The following FAM178B variants were observed in gnomAD, a reference collection of about 807,000 sequenced individuals.
FAM178B encodes the protein family with sequence similarity 178 member B, also known as protein FAM178B.
In FAM178B, 82 loss-of-function variants were observed where a neutral mutation model predicts 91.7. That is an observed-to-expected ratio of 0.89 (90% CI 0.75 to 1.07). The LOEUF is 1.07. Among genes scored for constraint, FAM178B ranks in the 50% least tolerant of loss-of-function variants. The pLI is 0.00. For missense variants in FAM178B, 769 were observed against 846.7 expected (o/e 0.91, Z 1.14); for synonymous variants, 368 against 359.4 (o/e 1.02, Z -0.27).
Position 96,971,991 on chromosome 2 carries a change from G to C in FAM178B, c.474C>G (p.His158Gln). ...GELPEELEQE[H>Q]LDLDPKRGLA... is the part of the protein sequence containing the mutation. ...GGCCCCTCTTCGGGTCCAAGTCCAG[G>C]TGTTCCTGCTCCAACTCCTCGGGCA... The change falls in exon 3 of 17, where the codon CAC (histidine) becomes CAG (glutamine). Residue 158 changes from histidine to glutamine, a missense_variant. His to Gln is a conservative substitution (Grantham distance 24). Coordinates refer to ENST00000490605, the MANE Select transcript of FAM178B (RefSeq NM_001122646.3). The C allele has an allele frequency of 6.4e-7, 1 of 1,562,044 alleles. No homozygotes were observed. Among genetic ancestry groups the C allele is most frequent in the South Asian group, 1.2e-5 (1 of 84,728 alleles).
chr2:96,921,590 A>T lies in FAM178B; in HGVS notation c.1352T>A (p.Ile451Asn). 1.9e-6 allele frequency: 3 copies of T among 1,551,698 alleles called. No homozygotes were observed. The highest frequency in any genetic ancestry group is 1.7e-6 in the Non-Finnish European group (2 of 1,146,984). The change falls in exon 11 of 17, where the codon ATT (isoleucine) becomes AAT (asparagine). Residue 451 changes from isoleucine (I) to asparagine (N), a missense_variant. By Grantham distance (149) the Ile-to-Asn change is moderately radical. Coordinates refer to ENST00000490605, the MANE Select transcript of FAM178B (RefSeq NM_001122646.3). ...CAGGCTGGTGCGGCACAGCAGCTCA[A>T]TCAGTCCCATGAGGTTCTCATCAGT... is the stretch of plus-strand genomic sequence containing the variant. Reference protein sequence around the residue: ...AYTDENLMGLIELLCRTSLDV... With the variant: ...AYTDENLMGLNELLCRTSLDV...
At chr2:96,919,602 T>C (rs564528889) in intron 12 of FAM178B, among the ~76,000 whole-genome samples, 2 of 152,236 alleles carry the variant, frequency 1.3e-5, no homozygotes, top group African/African-American at 4.8e-5. Flanking sequence ...GGACTGTAAT[T>C]TCCAGCTGGC....
At chr2:96,970,997 C>T (rs562842907) in intron 3 of FAM178B, among the ~76,000 whole-genome samples, 41 of 152,050 alleles carry the variant, frequency 2.7e-4, no homozygotes, top group Admixed American at 2.4e-3. Flanking sequence ...CCCACAGGTG[C>T]CCATGGGATA....
intron 12 of FAM178B, among the ~76,000 whole-genome samples, chr2:96,913,866 G>C (rs929024679): frequency 6.6e-6 from 1 of 152,176 alleles, no homozygotes; most frequent in Non-Finnish European, 1.5e-5. Context: ...CCTGGGTCTC[G>C]CTCCCAGAGG....
intron 14 of FAM178B, 69 bp from the exon 15 acceptor site, chr2:96,878,562 T>G (rs2080304021): frequency 7.1e-7 from 1 of 1,413,082 alleles, no homozygotes; most frequent in Middle Eastern, 1.9e-4. Context: ...GCCCTCCACC[T>G]GCACACTCCC....
At chr2:96,887,076 G>A (rs1312145105) in intron 14 of FAM178B, among the ~76,000 whole-genome samples, 3 of 152,132 alleles carry the variant, frequency 2.0e-5, no homozygotes, top group Non-Finnish European at 4.4e-5. Context: ...TTAGCCAGGC[G>A]TGGTGGTGGG....
At chr2:96,952,639 TCA>T (rs1296860219) in intron 6 of FAM178B, among the ~76,000 whole-genome samples, 1 of 152,154 alleles carries the variant, frequency 6.6e-6, no homozygotes, top group Non-Finnish European at 1.5e-5. Context: ...GCTTCAGAAG[TCA>T]TTTTATAGGG....
rs376634214 is a variant in FAM178B at position 96,876,315 on chromosome 2, C to T, written c.2008-7G>A. 22 of 1,599,684 alleles carry T rather than the reference C, an allele frequency of 1.4e-5. No homozygotes were observed. The highest frequency in any genetic ancestry group is 3.3e-4 in the Middle Eastern group (2 of 6,052). The stretch of plus-strand genomic sequence containing the variant: ...AGGGGCTGAAATACTGGGCCTGCGG[C>T]GAGGAGAAAAGCAGGCTGTGAGGGC... On this transcript the variant is annotated splice_region_variant and splice_polypyrimidine_tract_variant and intron_variant, in intron 16 of 16. Transcript: ENST00000490605.
intron 14 of FAM178B, among the ~76,000 whole-genome samples, chr2:96,886,279 T>C (rs1039869052): frequency 6.6e-6 from 1 of 152,234 alleles, no homozygotes; most frequent in African/African-American, 2.4e-5. Flanking sequence ...AGGCTGGCCA[T>C]TCACTGTATG....
At chr2:96,894,100 G>C (rs1447817018) in intron 13 of FAM178B, 49 bp from the exon 14 acceptor site, 1 of 1,558,622 alleles carries the variant, frequency 6.4e-7, no homozygotes, top group East Asian at 2.4e-5. Flanking sequence ...GTGGCCAAGA[G>C]CTCAGGGTGC....
At chr2:96,886,936 CG>C (rs2080537814) in intron 14 of FAM178B, among the ~76,000 whole-genome samples, 1 of 152,168 alleles carries the variant, frequency 6.6e-6, no homozygotes, top group Non-Finnish European at 1.5e-5. Context: ...ACCTTTTGGC[CG>C]GGCGCGGTGG....
At chr2:96,930,497 G>A (rs11680224) in intron 8 of FAM178B, among the ~76,000 whole-genome samples, 1 of 151,998 alleles carries the variant, frequency 6.6e-6, no homozygotes, top group Non-Finnish European at 1.5e-5. Flanking sequence ...AGCATTGTCC[G>A]ACTTAGCAGT....
chr2:96,958,697 T>TAAAAAAAAAA (rs55924441), intron 6 of FAM178B, among the ~76,000 whole-genome samples: 6 of 55,534 alleles, frequency 1.1e-4, no homozygotes, highest in South Asian at 1.7e-3. Flanking sequence ...CTCAAAATAC[T>TAAAAAAAAAA]AAAAAAAAAA....
chr2:96,934,201 C>T (rs1298592905), intron 8 of FAM178B, among the ~76,000 whole-genome samples: 10 of 152,082 alleles, frequency 6.6e-5, no homozygotes. Flanking sequence ...TACATAAAGC[C>T]CAATGATGCT....
chr2:96,970,434 G>A, intron 4 of FAM178B, among the ~76,000 whole-genome samples: 1 of 152,196 alleles, frequency 6.6e-6, no homozygotes, highest in East Asian at 1.9e-4. Context: ...CCTTGAGTGG[G>A]AGGAGACACC....
intron 12 of FAM178B, among the ~76,000 whole-genome samples, chr2:96,905,383 C>G (rs2081011144): frequency 6.6e-6 from 1 of 151,434 alleles, no homozygotes; most frequent in South Asian, 2.1e-4. Flanking sequence ...CATGCTGAAA[C>G]CCCATCTCTA....
At chr2:96,960,549 G>T in intron 5 of FAM178B, 109 bp from the exon 6 acceptor site, 1 of 1,311,224 alleles carries the variant, frequency 7.6e-7, no homozygotes, top group Non-Finnish European at 1.0e-6. Context: ...TCCCTGCCTT[G>T]CAGTCCTTGC....
intron 9 of FAM178B, among the ~76,000 whole-genome samples, chr2:96,927,062 A>C (rs1170731443): frequency 6.6e-6 from 1 of 152,204 alleles, no homozygotes; most frequent in Non-Finnish European, 1.5e-5. Context: ...ACACAGGGAG[A>C]AGATAGCCTG....
chr2:96,905,712 G>A (rs561403047), intron 12 of FAM178B, among the ~76,000 whole-genome samples: 5 of 148,554 alleles, frequency 3.4e-5, no homozygotes, highest in Non-Finnish European at 7.4e-5. Flanking sequence ...CGAGGTGGGC[G>A]GATCACCTGA....
Sources: allele counts gnomAD v4.1 joint callset (sites outside exome capture counted in the v4.1 genomes callset), GRCh38; gene constraint gnomAD v4.1.1; transcripts MANE v1.5; gene names NCBI Gene and HGNC (gene_info 2026-07-23, HGNC 2026-07-21).